The following DACH1 variants were observed in gnomAD, a reference collection of about 807,000 sequenced individuals.
The protein encoded by DACH1 is dachshund homolog 1.
Under a neutral mutation model 54.2 loss-of-function variants are expected in DACH1, and 12 were observed. That is an observed-to-expected ratio of 0.22 (90% CI 0.14 to 0.36). DACH1 has a LOEUF of 0.36. Ranked by LOEUF, DACH1 falls within the 10% of genes least tolerant of loss-of-function variation. The probability of loss-of-function intolerance (pLI) is 1.00; values close to 1 mark genes in which losing one functional copy is unlikely to be tolerated. For synonymous variants in DACH1, 386 were observed against 366.2 expected (o/e 1.05, Z -0.62); for missense variants, 805 against 929.8 (o/e 0.87, Z 1.75).
At chr13:71,827,331 C>T (rs991743217) in intron 1 of DACH1, among the ~76,000 whole-genome samples, 8 of 152,038 alleles carry the variant, frequency 5.3e-5, no homozygotes, top group African/African-American at 1.7e-4. Flanking sequence ...TGTTATATAA[C>T]GTATTGGCTG....
intron 1 of DACH1, among the ~76,000 whole-genome samples, chr13:71,718,137 A>G (rs966084546): frequency 1.3e-5 from 2 of 152,184 alleles, no homozygotes; most frequent in Admixed American, 1.3e-4. Flanking sequence ...ATGGTCTCAC[A>G]TGGAAAAGAT....
chr13:71,548,173 A>G (rs983928667), intron 6 of DACH1, among the ~76,000 whole-genome samples: 7 of 152,154 alleles, frequency 4.6e-5, no homozygotes, highest in African/African-American at 1.7e-4. Context: ...CAAGAAATTT[A>G]TTTGTATTTA....
intron 4 of DACH1, among the ~76,000 whole-genome samples, chr13:71,566,040 C>T (rs2138398097): frequency 6.6e-6 from 1 of 152,152 alleles, no homozygotes; most frequent in Non-Finnish European, 1.5e-5. Context: ...GAAGGAAGAA[C>T]AGCAAGGAAA....
At chr13:71,489,401 C>CT (rs2138204407) in intron 6 of DACH1, among the ~76,000 whole-genome samples, 1 of 152,132 alleles carries the variant, frequency 6.6e-6, no homozygotes, top group African/African-American at 2.4e-5. Context: ...GCCATAGAAT[C>CT]TTTTTAAAAC....
chr13:71,572,525 C>T (rs1025926976), intron 4 of DACH1, among the ~76,000 whole-genome samples: 13 of 152,058 alleles, frequency 8.5e-5, no homozygotes, highest in African/African-American at 3.1e-4. Context: ...TCTGATTCTC[C>T]ACACATAAAT....
At chr13:71,512,748 A>G (rs1448681141) in intron 6 of DACH1, among the ~76,000 whole-genome samples, 1 of 151,936 alleles carries the variant, frequency 6.6e-6, no homozygotes, top group East Asian at 1.9e-4. Context: ...ACAATTTCAA[A>G]TACATCCATA....
intron 1 of DACH1, among the ~76,000 whole-genome samples, chr13:71,778,185 A>G (rs1217085369): frequency 6.6e-6 from 1 of 151,996 alleles, no homozygotes; most frequent in Non-Finnish European, 1.5e-5. Context: ...TAAATAAGCT[A>G]GTTATTTCTC....
intron 1 of DACH1, among the ~76,000 whole-genome samples, chr13:71,690,534 G>A (rs1416608342): frequency 6.6e-6 from 1 of 152,106 alleles, no homozygotes; most frequent in Non-Finnish European, 1.5e-5. Flanking sequence ...ATTGTAAGTG[G>A]CCTTCTTAAA....
At chr13:71,776,130 T>C (rs984829138) in intron 1 of DACH1, among the ~76,000 whole-genome samples, 1 of 152,146 alleles carries the variant, frequency 6.6e-6, no homozygotes, top group African/African-American at 2.4e-5. Context: ...GACCAAACAT[T>C]TCCTTCCTTC....
chr13:71,815,915 CT>C (rs1384320608), intron 1 of DACH1, among the ~76,000 whole-genome samples: 3 of 151,866 alleles, frequency 2.0e-5, no homozygotes, highest in Non-Finnish European at 4.4e-5. Flanking sequence ...GAAACCCCGT[CT>C]CTACTAAAAA....
chr13:71,849,646 C>T (rs9564852), intron 1 of DACH1, among the ~76,000 whole-genome samples: 2 of 152,048 alleles, frequency 1.3e-5, no homozygotes, highest in Admixed American at 1.3e-4. Context: ...ATTTCCCCCC[C>T]ATCTATGGAT....
At chr13:71,639,623 G>A (rs1033275023) in intron 2 of DACH1, among the ~76,000 whole-genome samples, 32 of 151,926 alleles carry the variant, frequency 2.1e-4, no homozygotes, top group African/African-American at 7.7e-4. Flanking sequence ...TTCTTTTTCT[G>A]GATAGCTTAA....
Position 71,777,652 on chromosome 13 carries a change from T to C in DACH1, c.848+88270A>G, listed in dbSNP as rs536965491. On this transcript the variant is annotated intron_variant, in intron 1 of 10. Coordinates refer to ENST00000613252, the MANE Select transcript of DACH1 (RefSeq NM_080759.6). ...TAATCCAAACGCCAAACTTGTAGAT[T>C]GGAGCTATATTTTTTCCTAAATTTT... 7.9e-5 allele frequency among the ~76,000 whole-genome samples: 12 copies of C among 152,250 alleles called. No individual in the cohort carries two copies. In the East Asian group the frequency reaches 2.3e-3, roughly 29 times the overall value.
At chr13:71,812,327 G>GT (rs1566516176) in intron 1 of DACH1, among the ~76,000 whole-genome samples, 1 of 152,024 alleles carries the variant, frequency 6.6e-6, no homozygotes, top group Non-Finnish European at 1.5e-5. Context: ...ATGTCTATTT[G>GT]TTGTCTAACT....
chr13:71,658,542 C>T (rs61958965), intron 2 of DACH1, among the ~76,000 whole-genome samples: 5,586 of 152,162 alleles, frequency 0.037, 199 homozygotes, highest in Non-Finnish European at 0.043. Context: ...AAGAGCGAAA[C>T]TCCATCTCAA....
chr13:71,443,449 A>C (rs1874182796), intron 10 of DACH1, among the ~76,000 whole-genome samples: 1 of 152,002 alleles, frequency 6.6e-6, no homozygotes, highest in African/African-American at 2.4e-5. Flanking sequence ...AATAGTTATA[A>C]ATGAAAAAAT....
At chr13:71,707,314 C>T (rs563037737) in intron 1 of DACH1, among the ~76,000 whole-genome samples, 1 of 152,358 alleles carries the variant, frequency 6.6e-6, no homozygotes, top group East Asian at 1.9e-4. Context: ...GTTTCTTCTG[C>T]TGGATTTAAT....
At chr13:71,453,936 G>A (rs1299448881) in intron 10 of DACH1, among the ~76,000 whole-genome samples, 2 of 152,088 alleles carry the variant, frequency 1.3e-5, no homozygotes, top group African/African-American at 4.8e-5. Context: ...GACAGTATAT[G>A]GGTGAGAACA....
chr13:71,629,333 A>G (rs1257088388), intron 3 of DACH1, among the ~76,000 whole-genome samples: 1 of 152,062 alleles, frequency 6.6e-6, no homozygotes, highest in African/African-American at 2.4e-5. Flanking sequence ...TCATCCGTCT[A>G]GGAACTCGCA....
Sources: allele counts gnomAD v4.1 joint callset (sites outside exome capture counted in the v4.1 genomes callset), GRCh38; gene constraint gnomAD v4.1.1; transcripts MANE v1.5; gene names NCBI Gene and HGNC (gene_info 2026-07-23, HGNC 2026-07-21).